Variants in NEK10 observed in about 807,000 individuals in gnomAD.
NEK10 encodes the protein NIMA related kinase 10, also known as serine/threonine-protein kinase Nek10.
Under a neutral mutation model 159.8 loss-of-function variants are expected in NEK10, and 122 were observed. The ratio of observed to expected loss-of-function variants is 0.76; its 90% confidence interval spans 0.66 to 0.89. The LOEUF (loss-of-function observed/expected upper bound fraction) is 0.89. Among genes scored for constraint, NEK10 ranks in the 40% least tolerant of loss-of-function variants. The pLI, the probability that NEK10 is intolerant of heterozygous loss-of-function variation, is 0.00. For synonymous variants in NEK10, 466 were observed against 457.1 expected, an observed-to-expected ratio of 1.02 and a Z score of -0.25; for missense variants, 1,342 against 1,323.1, an observed-to-expected ratio of 1.01 and a Z score of -0.22.
chr3:27,338,268 C>T (rs2046952590), intron 5 of NEK10, among the ~76,000 whole-genome samples: 1 of 152,184 alleles, frequency 6.6e-6, no homozygotes, highest in African/African-American at 2.4e-5. Context: ...GACATGAACT[C>T]ATCATTTTTA....
At chr3:27,315,070 A>G (rs1193912001) in intron 6 of NEK10, among the ~76,000 whole-genome samples, 1 of 152,248 alleles carries the variant, frequency 6.6e-6, no homozygotes, top group Non-Finnish European at 1.5e-5. Flanking sequence ...GAGATCTACT[A>G]ATAGTAAGTG....
At chr3:27,254,066 G>C (rs191228904) in intron 23 of NEK10, among the ~76,000 whole-genome samples, 244 of 152,170 alleles carry the variant, frequency 1.6e-3, no homozygotes, top group African/African-American at 5.5e-3. Context: ...CCTCTCATCC[G>C]GTGCGCAGGG....
rs534943796 is a variant in NEK10, at chr3:27,176,607, G to A, written c.2506-1774C>T. ...TCTTCCATGCCTACCTCTTTTCTTC[G>A]TCCCAAACCACAAAACCCTTCTTCC... On this transcript the variant is annotated intron_variant, in intron 26 of 35. Transcript: ENST00000691995. Among the ~76,000 whole-genome samples the A allele has an allele frequency of 7.5e-4, 114 of 152,156 alleles. 2 individuals carry two copies. The Middle Eastern group carries it at 0.01, about 14-fold the overall frequency.
chr3:27,259,066 G>GTT (rs139913702), intron 22 of NEK10, among the ~76,000 whole-genome samples: 7 of 148,470 alleles, frequency 4.7e-5, no homozygotes, highest in African/African-American at 9.8e-5. Flanking sequence ...TGATGCAGTT[G>GTT]TTTTTTTTTT....
At chr3:27,111,566 T>C (rs1390516231) in intron 35 of NEK10, among the ~76,000 whole-genome samples, 1 of 152,156 alleles carries the variant, frequency 6.6e-6, no homozygotes, top group African/African-American at 2.4e-5. Flanking sequence ...GAAAAACAAA[T>C]ATTCATTCAA....
rs1016256147 is a variant in NEK10 at position 27,162,714 on chromosome 3, T to C, written c.2856A>G (p.Ser952=). Reference sequence around the variant, plus strand: ...ACACTAAGTTACCTGGTCTTGGTCTTGATCCTGTTCCTCCAGTGAAGTCCC... The same window carrying C: ...ACACTAAGTTACCTGGTCTTGGTCTCGATCCTGTTCCTCCAGTGAAGTCCC... The part of the protein sequence containing the change: ...QTRDFTGGTG[S]RPRPASAGIA... The change falls in exon 30 of 36, where the codon TCA becomes TCG. Residue 952 remains serine (S), a synonymous_variant. Transcript: ENST00000691995. 1 of 1,614,126 alleles carries C rather than the reference T, an allele frequency of 6.2e-7. No individual in the cohort carries two copies. Among genetic ancestry groups the C allele is most frequent in the Admixed American group, 1.7e-5 (1 of 60,022 alleles).
At chr3:27,116,161 T>G (rs1393180270) in intron 33 of NEK10, 34 bp from the exon 34 acceptor site, 1 of 1,598,842 alleles carries the variant, frequency 6.3e-7, no homozygotes, top group Non-Finnish European at 8.6e-7. Flanking sequence ...GTCTGACATT[T>G]GGGTTCACAT....
At chr3:27,226,358 A>G (rs28369329) in intron 23 of NEK10, among the ~76,000 whole-genome samples, 4,141 of 152,056 alleles carry the variant, frequency 0.027, 125 homozygotes, top group African/African-American at 0.074. Flanking sequence ...GTTTTTAAAA[A>G]AAAGAAAGAA....
At chr3:27,123,387 A>T (rs1941553411) in intron 32 of NEK10, among the ~76,000 whole-genome samples, 1 of 152,196 alleles carries the variant, frequency 6.6e-6, no homozygotes, top group African/African-American at 2.4e-5. Context: ...TGGACATTCC[A>T]GGTAGGGGGA....
intron 23 of NEK10, chr3:27,252,110 T>C (rs942064515): frequency 1.7e-5 from 5 of 292,574 alleles, no homozygotes; most frequent in Non-Finnish European, 2.9e-5. Flanking sequence ...CTCTAGGTCC[T>C]GGGGAAACAG....
chr3:27,279,868 G>A (rs749561312), intron 22 of NEK10, among the ~76,000 whole-genome samples: 4 of 151,986 alleles, frequency 2.6e-5, no homozygotes, highest in South Asian at 2.1e-4. Flanking sequence ...AAAGCTAAAC[G>A]GCCTTAAAAT....
At chr3:27,182,860 G>A (rs1038705577) in intron 26 of NEK10, among the ~76,000 whole-genome samples, 4 of 152,006 alleles carry the variant, frequency 2.6e-5, no homozygotes, top group African/African-American at 7.2e-5. Context: ...CTACTTATAC[G>A]TGGGAGCTAA....
intron 5 of NEK10, among the ~76,000 whole-genome samples, chr3:27,328,420 G>C (rs188792189): frequency 3.6e-4 from 55 of 152,324 alleles, no homozygotes; most frequent in Middle Eastern, 3.4e-3. Flanking sequence ...GATAAGATTA[G>C]CATCTGAGTT....
chr3:27,311,978 C>A, intron 8 of NEK10, 121 bp downstream of exon 8: 2 of 711,160 alleles, frequency 2.8e-6, no homozygotes, highest in South Asian at 1.6e-5. Context: ...ATGCTCAACA[C>A]CTGAGCTGTG....
At chr3:27,243,705 G>A (rs553583572) in intron 23 of NEK10, among the ~76,000 whole-genome samples, 4 of 152,140 alleles carry the variant, frequency 2.6e-5, no homozygotes, top group African/African-American at 9.6e-5. Flanking sequence ...CCTTTCCCTC[G>A]AGTTCTGCAG....
chr3:27,328,276 T>A (rs954870837), intron 5 of NEK10, among the ~76,000 whole-genome samples: 4 of 152,208 alleles, frequency 2.6e-5, no homozygotes, highest in African/African-American at 9.6e-5. Flanking sequence ...GCACTTGTAC[T>A]CATGGAGCTT....
intron 23 of NEK10, among the ~76,000 whole-genome samples, chr3:27,203,743 C>T (rs1235989229): frequency 1.4e-5 from 2 of 146,410 alleles, no homozygotes; most frequent in African/African-American, 2.5e-5. Context: ...GACAGGTATA[C>T]ATCAGTATTG....
chr3:27,131,534 G>T (rs1238164394), intron 32 of NEK10, among the ~76,000 whole-genome samples: 1 of 152,250 alleles, frequency 6.6e-6, no homozygotes, highest in African/African-American at 2.4e-5. Context: ...CTTCTTCAGA[G>T]TGACAAATCT....
At chr3:27,191,843 G>A (rs180807253) in intron 26 of NEK10, among the ~76,000 whole-genome samples, 186 bp downstream of exon 26, 5 of 152,246 alleles carry the variant, frequency 3.3e-5, no homozygotes, top group African/African-American at 4.8e-5. Flanking sequence ...TCTTAGGAAG[G>A]TCAGTTATAT....
Sources: gnomAD v4.1 joint callset for allele counts (sites outside exome capture counted in the v4.1 genomes callset) on GRCh38, gnomAD v4.1.1 for gene constraint, MANE v1.5 for transcripts, NCBI Gene and HGNC (gene_info 2026-07-23, HGNC 2026-07-21) for gene names.